Variants in B3GALT1 observed in about 807,000 individuals in gnomAD.
B3GALT1 encodes beta-1,3-galactosyltransferase 1.
Under a neutral mutation model 23.2 loss-of-function variants are expected in B3GALT1, and 10 were observed. The ratio of observed to expected loss-of-function variants is 0.43; its 90% CI spans 0.27 to 0.73. The LOEUF is 0.73. Among genes scored for constraint, B3GALT1 ranks in the 30% least tolerant of loss-of-function variants. The pLI, the probability that B3GALT1 is intolerant of heterozygous loss-of-function variation, is 0.21. For missense variants in B3GALT1, 299 were observed against 405.4 expected (o/e 0.74, Z 2.25); for synonymous variants, 156 against 141.5 (o/e 1.10, Z -0.73).
At chr2:167,658,096 G>A (rs1360920968) in intron 3 of B3GALT1, among the ~76,000 whole-genome samples, 2 of 152,128 alleles carry the variant, frequency 1.3e-5, no homozygotes, top group African/African-American at 2.4e-5. Context: ...CAACTATTTG[G>A]TAAGTATGTG....
At chr2:167,765,333 A>G (rs1040281624) in intron 3 of B3GALT1, among the ~76,000 whole-genome samples, 3 of 152,186 alleles carry the variant, frequency 2.0e-5, no homozygotes, top group Non-Finnish European at 4.4e-5. Flanking sequence ...TAATAATTTA[A>G]AAGGAAACTG....
At chr2:167,461,119 G>C (rs1366604935) in intron 1 of B3GALT1, among the ~76,000 whole-genome samples, 1 of 152,186 alleles carries the variant, frequency 6.6e-6, no homozygotes, top group Non-Finnish European at 1.5e-5. Flanking sequence ...TCTGTGATCA[G>C]AAGCAGTAAT....
intron 2 of B3GALT1, among the ~76,000 whole-genome samples, chr2:167,607,530 T>C (rs907208068): frequency 6.6e-6 from 1 of 152,150 alleles, no homozygotes; most frequent in Non-Finnish European, 1.5e-5. Flanking sequence ...TGTGCGTGTG[T>C]GTGTGCACAG....
intron 2 of B3GALT1, among the ~76,000 whole-genome samples, chr2:167,580,191 C>G (rs1684458783): frequency 6.6e-6 from 1 of 152,096 alleles, no homozygotes. Context: ...TGGGCTCTTA[C>G]TGAAATTAAA....
chr2:167,754,921 C>A (rs1466011116), intron 3 of B3GALT1, among the ~76,000 whole-genome samples: 1 of 152,234 alleles, frequency 6.6e-6, no homozygotes, highest in South Asian at 2.1e-4. Flanking sequence ...ACTTAGTCAA[C>A]AGTTTATCCA....
intron 3 of B3GALT1, among the ~76,000 whole-genome samples, chr2:167,811,976 A>G (rs544814997): frequency 2.0e-5 from 3 of 152,326 alleles, no homozygotes; most frequent in South Asian, 4.1e-4. Context: ...GTGGTGCTAT[A>G]TGTGTACAGA....
intron 4 of B3GALT1, among the ~76,000 whole-genome samples, chr2:167,854,695 A>G (rs924242501): frequency 2.0e-5 from 3 of 152,180 alleles, no homozygotes; most frequent in African/African-American, 7.2e-5. Context: ...AGCCTGGGAG[A>G]CTTCATTATG....
In B3GALT1 at chr2:167,558,503, G is replaced by A. The variant is rs191373136; in HGVS notation, c.-410+68226G>A. The stretch of plus-strand genomic sequence containing the variant: ...CATGCGCCAGCTGAAGCAGGGCGAG[G>A]CATTGACTCACTCCAGAAGCAGAAG... On this transcript the variant is annotated intron_variant, in intron 2 of 4. Coordinates refer to ENST00000392690, the MANE Select transcript of B3GALT1 (RefSeq NM_020981.4). 3.9e-5 allele frequency among the ~76,000 whole-genome samples: 6 copies of A among 152,308 alleles called. No homozygotes were observed. The East Asian group carries it at 1.2e-3, about 29-fold the overall frequency.
intron 1 of B3GALT1, among the ~76,000 whole-genome samples, chr2:167,410,593 G>A (rs1335864715): frequency 6.6e-6 from 1 of 151,900 alleles, no homozygotes; most frequent in Non-Finnish European, 1.5e-5. Context: ...GGGGCTGGGG[G>A]GCAAGTGGAG....
At chr2:167,789,190 T>C (rs1688393682) in intron 3 of B3GALT1, among the ~76,000 whole-genome samples, 1 of 152,238 alleles carries the variant, frequency 6.6e-6, no homozygotes, top group African/African-American at 2.4e-5. Context: ...TTCTAGTTTT[T>C]TTCTGCAGCC....
At chr2:167,761,478 C>T (rs1052412903) in intron 3 of B3GALT1, among the ~76,000 whole-genome samples, 6 of 152,086 alleles carry the variant, frequency 3.9e-5, no homozygotes, top group African/African-American at 1.2e-4. Flanking sequence ...GTAATTTTAC[C>T]CATTCTTATG....
At chr2:167,643,607 A>C (rs959948219) in intron 2 of B3GALT1, among the ~76,000 whole-genome samples, 2 of 152,104 alleles carry the variant, frequency 1.3e-5, no homozygotes, top group African/African-American at 4.8e-5. Context: ...CAAATGATTC[A>C]AAACATGCCA....
intron 3 of B3GALT1, among the ~76,000 whole-genome samples, chr2:167,660,844 T>A (rs764874121): frequency 1.2e-4 from 18 of 152,278 alleles, no homozygotes; most frequent in Non-Finnish European, 2.4e-4. Flanking sequence ...AAACCTTGTT[T>A]CAGAGAGATT....
chr2:167,624,904 C>A (rs1204616615), intron 2 of B3GALT1, among the ~76,000 whole-genome samples: 1 of 151,954 alleles, frequency 6.6e-6, no homozygotes, highest in Non-Finnish European at 1.5e-5. Flanking sequence ...GAATAGCTGT[C>A]TAAAGATTGG....
chr2:167,810,479 CCAGA>C (rs1422041245), intron 3 of B3GALT1, among the ~76,000 whole-genome samples: 4 of 150,814 alleles, frequency 2.7e-5, no homozygotes, highest in Middle Eastern at 3.2e-3. Context: ...TATTTAGGAG[CCAGA>C]CAAAGAAGAA....
At chr2:167,646,362 A>T (rs1685748498) in intron 2 of B3GALT1, among the ~76,000 whole-genome samples, 1 of 152,206 alleles carries the variant, frequency 6.6e-6, no homozygotes, top group Non-Finnish European at 1.5e-5. Context: ...CATCCAGATC[A>T]GAAAGCAGTT....
chr2:167,409,784 C>G (rs1006181024), intron 1 of B3GALT1, among the ~76,000 whole-genome samples: 1 of 151,672 alleles, frequency 6.6e-6, no homozygotes, highest in East Asian at 2.0e-4. Context: ...ACAACAGATG[C>G]TGGCGAAGGT....
intron 2 of B3GALT1, among the ~76,000 whole-genome samples, chr2:167,623,957 A>G (rs954149691): frequency 6.6e-6 from 1 of 152,060 alleles, no homozygotes; most frequent in Non-Finnish European, 1.5e-5. Context: ...ATTAACTGCT[A>G]CCAGAACACC....
chr2:167,468,921 C>T (rs187499431), intron 1 of B3GALT1, among the ~76,000 whole-genome samples: 66 of 152,242 alleles, frequency 4.3e-4, no homozygotes, highest in African/African-American at 1.5e-3. Flanking sequence ...TCCATAAAAT[C>T]AGGCATAAGG....
Sources: gnomAD v4.1 joint callset for allele counts (sites outside exome capture counted in the v4.1 genomes callset) on GRCh38, gnomAD v4.1.1 for gene constraint, MANE v1.5 for transcripts, NCBI Gene and HGNC (gene_info 2026-07-23, HGNC 2026-07-21) for gene names.